Variants in SEL1L3 observed in about 807,000 individuals in gnomAD.
The protein encoded by SEL1L3 is SEL1L family member 3.
Under a neutral mutation model 142.8 loss-of-function variants are expected in SEL1L3, and 76 were observed. The observed-to-expected ratio is 0.53, with a 90% CI of 0.44 to 0.64. The LOEUF (loss-of-function observed/expected upper bound fraction) is 0.64. Among genes scored for constraint, SEL1L3 ranks in the 30% least tolerant of loss-of-function variants. The pLI is 0.00. For missense variants in SEL1L3, 1,262 were observed against 1,381.7 expected (o/e 0.91, Z 1.37); for synonymous variants, 504 against 519.6 (o/e 0.97, Z 0.41).
chr4:25,724,736 C>CAAAAAAAAAAAA, the SEL1L3 span, among the ~76,000 whole-genome samples: 4 of 5,998 alleles, frequency 6.7e-4, no homozygotes, highest in East Asian at 4.5e-3. Flanking sequence ...GACTCCAACT[C>CAAAAAAAAAAAA]AAAAAAAAAA....
In SEL1L3 at chr4:25,767,552, C is replaced by G; in HGVS notation, c.2818G>C (p.Val940Leu). The G allele has an allele frequency of 1.3e-6, 2 of 1,599,424 alleles. No individual in the cohort carries two copies. Among genetic ancestry groups the G allele is most frequent in the Non-Finnish European group, 1.7e-6 (2 of 1,170,070 alleles). ...NCVWRYYNFS[V>L]FQIDAPSFAY... ...AAGGAAGGAGCATCGATTTGAAAAA[C>G]AGAGAAATTATAGTATCTCCAAACA... The change falls in exon 19 of 24, where the codon GTT becomes CTT. Residue 940 changes from valine to leucine, a missense_variant. Around this residue, in one of 3 missense-constraint regions of SEL1L3, gnomAD observed 435 missense variants for 559.2 expected, o/e 0.78. Transcript: ENST00000399878.
intron 20 of SEL1L3, among the ~76,000 whole-genome samples, chr4:25,760,866 G>A (rs1250188953): frequency 5.3e-5 from 8 of 152,090 alleles, no homozygotes; most frequent in African/African-American, 1.9e-4. Context: ...ACAACAAATC[G>A]ATATAGGTAG....
chr4:25,850,940 G>A (rs1382036424), intron 1 of SEL1L3, among the ~76,000 whole-genome samples: 6 of 150,970 alleles, frequency 4.0e-5, no homozygotes, highest in Non-Finnish European at 5.9e-5. Context: ...AACCTCTGCC[G>A]CCCAGGTTCA....
chr4:25,786,682 T>C (rs921693746), intron 13 of SEL1L3, among the ~76,000 whole-genome samples: 10 of 152,228 alleles, frequency 6.6e-5, no homozygotes, highest in African/African-American at 1.7e-4. Flanking sequence ...TGCATCCATA[T>C]GCCCCTCCAT....
At chr4:25,845,273 C>T (rs1406841856) in intron 2 of SEL1L3, among the ~76,000 whole-genome samples, 1 of 152,102 alleles carries the variant, frequency 6.6e-6, no homozygotes, top group East Asian at 1.9e-4. Context: ...GGTGGGAGGA[C>T]TGCTTGAGCC....
intron 1 of SEL1L3, among the ~76,000 whole-genome samples, chr4:25,850,946 G>A (rs1445541276): frequency 6.6e-6 from 1 of 151,974 alleles, no homozygotes; most frequent in African/African-American, 2.4e-5. Context: ...TGCCGCCCAG[G>A]TTCAAGTGAT....
the SEL1L3 span, among the ~76,000 whole-genome samples, chr4:25,725,062 G>GATAT: frequency 6.6e-6 from 1 of 152,136 alleles, no homozygotes; most frequent in South Asian, 2.1e-4. Flanking sequence ...TTCCTGGGAG[G>GATAT]TGGAGTATTC....
At chr4:25,786,509 T>C (rs184198160) in intron 13 of SEL1L3, among the ~76,000 whole-genome samples, 100 of 152,320 alleles carry the variant, frequency 6.6e-4, no homozygotes, top group African/African-American at 2.2e-3. Flanking sequence ...CTGTAGGTTG[T>C]GAGATCTTGG....
In SEL1L3 at chr4:25,843,515, A is replaced by C. The variant is rs555522119; in HGVS notation, c.733+3779T>G. Among the ~76,000 whole-genome samples, 3 of 152,212 alleles carry C rather than the reference A, an allele frequency of 2.0e-5. No individual in the cohort carries two copies. In the South Asian group the frequency reaches 6.2e-4, roughly 32 times the overall value. On this transcript the variant is annotated intron_variant, in intron 2 of 23. Transcript: ENST00000399878. Reference sequence around the variant, plus strand: ...TCTGGGGCCCAAGTCACTGGCCTGCATGGCTGATTCCTTTCTTTCTGTGAC... The same window carrying C: ...TCTGGGGCCCAAGTCACTGGCCTGCCTGGCTGATTCCTTTCTTTCTGTGAC...
At chr4:25,725,524 C>G in the SEL1L3 span, among the ~76,000 whole-genome samples, 1 of 152,100 alleles carries the variant, frequency 6.6e-6, no homozygotes. Flanking sequence ...CCATGTTGGC[C>G]AGGCTGGTCT....
the SEL1L3 span, among the ~76,000 whole-genome samples, chr4:25,735,881 G>A: frequency 7.1e-6 from 1 of 140,100 alleles, no homozygotes; most frequent in African/African-American, 2.7e-5. Context: ...CCAGGCTGGA[G>A]TGCAGTGACC....
At chr4:25,813,316 G>A (rs1405248143) in intron 9 of SEL1L3, among the ~76,000 whole-genome samples, 1 of 152,170 alleles carries the variant, frequency 6.6e-6, no homozygotes. Context: ...TCCATCGATG[G>A]ATGAATGGAT....
chr4:25,851,880 T>A (rs1355229906), intron 1 of SEL1L3, among the ~76,000 whole-genome samples: 2 of 126,650 alleles, frequency 1.6e-5, no homozygotes, highest in Admixed American at 1.6e-4. Context: ...AGAGTGAGAC[T>A]CTGTCTCAAA....
chr4:25,803,043 C>T (rs1279497691), intron 10 of SEL1L3, among the ~76,000 whole-genome samples: 2 of 152,138 alleles, frequency 1.3e-5, no homozygotes, highest in Non-Finnish European at 2.9e-5. Context: ...TTTTGGGCAC[C>T]AGCCAACCAT....
intron 8 of SEL1L3, 111 bp from the exon 9 acceptor site, chr4:25,818,389 G>T: frequency 1.0e-6 from 1 of 982,628 alleles, no homozygotes; most frequent in Non-Finnish European, 1.4e-6. Flanking sequence ...ATTACTGGAT[G>T]TTGGTTTTGG....
At chr4:25,765,679 C>T (rs1577570684) in intron 19 of SEL1L3, among the ~76,000 whole-genome samples, 1 of 152,178 alleles carries the variant, frequency 6.6e-6, no homozygotes, top group Admixed American at 6.5e-5. Context: ...GTCTCCGCTG[C>T]CTAGGCTGGA....
chr4:25,822,875 G>A (rs997515038), intron 6 of SEL1L3, among the ~76,000 whole-genome samples: 1 of 152,140 alleles, frequency 6.6e-6, no homozygotes, highest in Non-Finnish European at 1.5e-5. Flanking sequence ...CTGTCAGCGG[G>A]GACTGGCCCA....
rs551483102 is a variant in SEL1L3 at position 25,813,913 on chromosome 4, C to G, written c.1564+4225G>C. On this transcript the variant is annotated intron_variant, in intron 9 of 23. Transcript: ENST00000399878. ...TTAATGAAGCCAAAGCCTCCTCACT[C>G]TCTACCCCCTGCAATGTTCTCATCT... is the stretch of plus-strand genomic sequence containing the variant. 2.6e-5 allele frequency among the ~76,000 whole-genome samples: 4 copies of G among 152,330 alleles called. No homozygotes were observed. The East Asian group carries it at 7.7e-4, about 29-fold the overall frequency.
At chr4:25,789,587 A>G in intron 12 of SEL1L3, among the ~76,000 whole-genome samples, 1 of 27,072 alleles carries the variant, frequency 3.7e-5, no homozygotes. Context: ...CCTGAATCAA[A>G]AAAAAAAAAA....
Sources: gnomAD v4.1 joint callset for allele counts (sites outside exome capture counted in the v4.1 genomes callset) on GRCh38, gnomAD v4.1.1 for gene constraint, gnomAD v4.1.1 regional missense constraint, MANE v1.5 for transcripts, NCBI Gene and HGNC (gene_info 2026-07-23, HGNC 2026-07-21) for gene names.